SLC8A3: variants seen among roughly 807,000 people sequenced by gnomAD.
SLC8A3 encodes the protein sodium/calcium exchanger 3.
Under a neutral mutation model 65.4 loss-of-function variants are expected in SLC8A3, and 37 were observed. The ratio of observed to expected loss-of-function variants is 0.57; its 90% CI spans 0.44 to 0.74. SLC8A3 has a LOEUF of 0.74. Among genes scored for constraint, SLC8A3 ranks in the 30% least tolerant of loss-of-function variants. The pLI, the probability that SLC8A3 is intolerant of heterozygous loss-of-function variation, is 0.00. For missense variants in SLC8A3, 1,112 were observed against 1,172.1 expected (o/e 0.95, Z 0.75); for synonymous variants, 461 against 444.5 (o/e 1.04, Z -0.47).
At chr14:70,163,709 G>T (rs538987240) in intron 2 of SLC8A3, among the ~76,000 whole-genome samples, 2 of 152,284 alleles carry the variant, frequency 1.3e-5, no homozygotes, top group South Asian at 2.1e-4. Flanking sequence ...CCACTTCTTT[G>T]CTGGGTCTCC....
chr14:70,094,504 A>G (rs189153432), intron 2 of SLC8A3, among the ~76,000 whole-genome samples: 4 of 152,372 alleles, frequency 2.6e-5, no homozygotes, highest in African/African-American at 4.8e-5. Context: ...AAATATTTCA[A>G]AAAGAAATCT....
At chr14:70,099,258 G>A (rs918695842) in intron 2 of SLC8A3, among the ~76,000 whole-genome samples, 4 of 152,198 alleles carry the variant, frequency 2.6e-5, no homozygotes, top group African/African-American at 9.7e-5. Context: ...TTCTTGTAAG[G>A]TTTGTAAATT....
At chr14:70,075,608 C>T (rs971842054) in intron 2 of SLC8A3, among the ~76,000 whole-genome samples, 5 of 152,160 alleles carry the variant, frequency 3.3e-5, no homozygotes, top group African/African-American at 1.2e-4. Context: ...TGCCACACCA[C>T]CCTACTTAAA....
intron 2 of SLC8A3, among the ~76,000 whole-genome samples, chr14:70,065,988 G>A (rs191072956): frequency 1.1e-3 from 174 of 152,334 alleles, no homozygotes; most frequent in African/African-American, 4.1e-3. Context: ...ACAAGCTCTG[G>A]GCTGGACAGA....
At chr14:70,080,890 T>G (rs550147176) in intron 2 of SLC8A3, among the ~76,000 whole-genome samples, 2 of 152,244 alleles carry the variant, frequency 1.3e-5, no homozygotes, top group African/African-American at 2.4e-5. Flanking sequence ...CCTGGTGAAG[T>G]GGGATTATCT....
At chr14:70,162,244 G>A (rs990663286) in intron 2 of SLC8A3, among the ~76,000 whole-genome samples, 39 of 152,142 alleles carry the variant, frequency 2.6e-4, no homozygotes, top group Non-Finnish European at 5.0e-4. Context: ...AGCCTAAGAT[G>A]GGAAAGGGCA....
chr14:70,060,398 G>A (rs752838860), intron 3 of SLC8A3, among the ~76,000 whole-genome samples: 2 of 152,080 alleles, frequency 1.3e-5, no homozygotes, highest in African/African-American at 2.4e-5. Context: ...GGCATGCATC[G>A]CATCACATTC....
chr14:70,055,734 T>G (rs1043001777), intron 3 of SLC8A3: 40 of 1,485,654 alleles, frequency 2.7e-5, no homozygotes, highest in Middle Eastern at 1.7e-4. Flanking sequence ...ACATTGGTCT[T>G]AAACCAAATA....
chr14:70,070,466 G>A (rs1213482892), intron 2 of SLC8A3, among the ~76,000 whole-genome samples: 1 of 152,160 alleles, frequency 6.6e-6, no homozygotes, highest in African/African-American at 2.4e-5. Flanking sequence ...GGCAGAGCTG[G>A]GAATTGAATT....
At chr14:70,105,936 T>C (rs528775366) in intron 2 of SLC8A3, among the ~76,000 whole-genome samples, 21 of 152,230 alleles carry the variant, frequency 1.4e-4, no homozygotes, top group East Asian at 1.3e-3. Flanking sequence ...TGCTTCACAT[T>C]TGAAAAATCA....
intron 2 of SLC8A3, among the ~76,000 whole-genome samples, chr14:70,096,940 T>G (rs1391384126): frequency 4.0e-5 from 6 of 151,798 alleles, no homozygotes; most frequent in Non-Finnish European, 8.8e-5. Context: ...GTCTTGTGAG[T>G]AAAAAGGGGA....
intron 1 of SLC8A3, among the ~76,000 whole-genome samples, chr14:70,175,955 G>A (rs1241884892): frequency 2.6e-5 from 4 of 151,982 alleles, no homozygotes; most frequent in South Asian, 2.1e-4. Flanking sequence ...GGTTGGTCTC[G>A]AACTCCTGAC....
chr14:70,088,376 G>A (rs1891583204), intron 2 of SLC8A3, among the ~76,000 whole-genome samples: 1 of 152,160 alleles, frequency 6.6e-6, no homozygotes, highest in Non-Finnish European at 1.5e-5. Context: ...CTTTCCTAAG[G>A]ATTGCTTTAG....
At chr14:70,173,515 T>C (rs550394526) in intron 1 of SLC8A3, among the ~76,000 whole-genome samples, 1 of 152,308 alleles carries the variant, frequency 6.6e-6, no homozygotes, top group East Asian at 1.9e-4. Context: ...TCCTCCGCTC[T>C]TCCAGATCAT....
At chr14:70,132,828 C>G (rs1217957696) in intron 2 of SLC8A3, among the ~76,000 whole-genome samples, 1 of 152,090 alleles carries the variant, frequency 6.6e-6, no homozygotes, top group Non-Finnish European at 1.5e-5. Flanking sequence ...TAATCACAGC[C>G]CACCCTAGGC....
chr14:70,067,658 G>T (rs1004279938), intron 2 of SLC8A3, among the ~76,000 whole-genome samples: 13 of 152,178 alleles, frequency 8.5e-5, no homozygotes, highest in Admixed American at 2.6e-4. Context: ...TATTTTGAAG[G>T]CTACTTTCAT....
chr14:70,087,935 G>T (rs984130397), intron 2 of SLC8A3, among the ~76,000 whole-genome samples: 1 of 152,246 alleles, frequency 6.6e-6, no homozygotes, highest in Non-Finnish European at 1.5e-5. Flanking sequence ...TCCACCAAGA[G>T]ATTGAAATAT....
At chr14:70,139,397 G>A (rs2140262287) in intron 2 of SLC8A3, among the ~76,000 whole-genome samples, 1 of 152,316 alleles carries the variant, frequency 6.6e-6, no homozygotes, top group Middle Eastern at 3.4e-3. Flanking sequence ...CTCTTTGATG[G>A]CATCAAAATG....
intron 2 of SLC8A3, among the ~76,000 whole-genome samples, chr14:70,158,648 C>T (rs764468272): frequency 1.3e-5 from 2 of 152,142 alleles, no homozygotes; most frequent in African/African-American, 4.8e-5. Flanking sequence ...TCAAGTTGCA[C>T]CTATGTATGT....
Sources: allele counts gnomAD v4.1 joint callset (sites outside exome capture counted in the v4.1 genomes callset), GRCh38; gene constraint gnomAD v4.1.1; transcripts MANE v1.5; gene names NCBI Gene and HGNC (gene_info 2026-07-23, HGNC 2026-07-21).